The following PCDH11X variants were observed in gnomAD, a reference collection of about 807,000 sequenced individuals.
The protein encoded by PCDH11X is protocadherin 11 X-linked.
In PCDH11X, 18 loss-of-function variants were observed where a neutral mutation model predicts 53.3. The ratio of observed to expected loss-of-function variants is 0.34; its 90% confidence interval spans 0.23 to 0.50. The LOEUF (loss-of-function observed/expected upper bound fraction) is 0.50, where lower values mean the gene tolerates loss of function less well. PCDH11X is among the 20% of genes least tolerant of loss of function. The probability of loss-of-function intolerance (pLI) is 0.98; values close to 1 mark genes in which losing one functional copy is unlikely to be tolerated. For missense variants in PCDH11X, 570 were observed against 1,032.4 expected, an observed-to-expected ratio of 0.55 and a Z score of 6.14; for synonymous variants, 279 against 393.3, an observed-to-expected ratio of 0.71 and a Z score of 3.44.
intron 8 of PCDH11X, among the ~76,000 whole-genome samples, chrX:92,351,248 A>G (rs1386799467): frequency 8.9e-6 from 1 of 111,983 alleles, no homozygotes; most frequent in Non-Finnish European, 1.9e-5. Flanking sequence ...CTACTCCTAC[A>G]AAGCTCTTTT....
intron 10 of PCDH11X, among the ~76,000 whole-genome samples, chrX:92,513,424 A>G (rs1283880522): frequency 2.7e-5 from 3 of 110,875 alleles, no homozygotes; most frequent in African/African-American, 6.6e-5. Context: ...TATGGAATTG[A>G]TAAGAATAAC....
chrX:91,864,724 C>A (rs1938874544), intron 5 of PCDH11X, among the ~76,000 whole-genome samples: 1 of 106,017 alleles, frequency 9.4e-6, no homozygotes, highest in African/African-American at 3.5e-5. Context: ...CTTTTGTCTC[C>A]TCTGTGTATT....
At chrX:92,038,445 G>T (rs2063161705) in intron 6 of PCDH11X, among the ~76,000 whole-genome samples, 1 of 111,237 alleles carries the variant, frequency 9.0e-6, no homozygotes. Context: ...TCAAGCTTTG[G>T]CAGTATCCAC....
chrX:92,195,505 C>T (rs763649222), intron 6 of PCDH11X, among the ~76,000 whole-genome samples: 2 of 111,290 alleles, frequency 1.8e-5, no homozygotes, highest in South Asian at 3.8e-4. Flanking sequence ...AAGGAGGATC[C>T]TCATTACCTT....
chrX:92,209,934 C>A (rs1388976493), intron 7 of PCDH11X, among the ~76,000 whole-genome samples: 1 of 112,143 alleles, frequency 8.9e-6, no homozygotes, highest in East Asian at 2.8e-4. Flanking sequence ...GGGCTTGCAC[C>A]TGCTGAAGCA....
chrX:91,887,368 G>T (rs1201119090), intron 6 of PCDH11X, among the ~76,000 whole-genome samples: 1 of 111,065 alleles, frequency 9.0e-6, no homozygotes, highest in Non-Finnish European at 1.9e-5. Flanking sequence ...CAAAGATTCT[G>T]TGATAATACA....
chrX:92,412,162 AGG>A (rs2071690287), intron 9 of PCDH11X, among the ~76,000 whole-genome samples: 2 of 94,716 alleles, frequency 2.1e-5, no homozygotes, highest in African/African-American at 4.5e-5. Context: ...GAGGAGGAGG[AGG>A]AGGAAAAGGG....
chrX:92,046,437 A>G (rs902006349), intron 6 of PCDH11X, among the ~76,000 whole-genome samples: 4 of 111,880 alleles, frequency 3.6e-5, no homozygotes, highest in African/African-American at 1.3e-4. Context: ...TTATAGTTTG[A>G]TCCTCCAAGG....
In PCDH11X at chrX:92,542,882, T is replaced by C. The variant is rs549899693; in HGVS notation, c.3367+74560T>C. ...ATGAAGAAAATATTGTTTTAGTCTC[T>C]TGAGAGCCATCTTTCTAGATTTTTC... On this transcript the variant is annotated intron_variant, in intron 10 of 10. Coordinates refer to ENST00000682573, the MANE Select transcript of PCDH11X (RefSeq NM_032968.5). 9.8e-5 allele frequency among the ~76,000 whole-genome samples: 11 copies of C among 111,852 alleles called. No homozygotes were observed. In the South Asian group the frequency reaches 4.1e-3, roughly 41 times the overall value.
intron 10 of PCDH11X, among the ~76,000 whole-genome samples, chrX:92,605,940 G>A (rs1417865603): frequency 2.7e-5 from 3 of 110,542 alleles, no homozygotes; most frequent in African/African-American, 9.8e-5. Flanking sequence ...GAAATAAGAC[G>A]CTAATCTGGA....
intron 6 of PCDH11X, among the ~76,000 whole-genome samples, chrX:92,107,704 A>G (rs191969438): frequency 1.7e-3 from 190 of 112,274 alleles, no homozygotes; most frequent in African/African-American, 6.0e-3. Flanking sequence ...GAACCAAAAC[A>G]ATGTATTTCT....
intron 6 of PCDH11X, among the ~76,000 whole-genome samples, chrX:91,935,944 G>A (rs2061439818): frequency 9.2e-6 from 1 of 108,909 alleles, no homozygotes; most frequent in African/African-American, 3.3e-5. Context: ...GATTTCTCAT[G>A]CAAATGAAGC....
intron 7 of PCDH11X, among the ~76,000 whole-genome samples, chrX:92,254,471 G>T (rs2067523881): frequency 9.2e-6 from 1 of 108,255 alleles, no homozygotes; most frequent in Non-Finnish European, 1.9e-5. Flanking sequence ...GTGTGAATTT[G>T]ATCCTGTCAT....
chrX:92,611,055 C>T (rs60120530), intron 10 of PCDH11X, among the ~76,000 whole-genome samples: 4 of 108,687 alleles, frequency 3.7e-5, no homozygotes, highest in Non-Finnish European at 7.7e-5. Flanking sequence ...GTTCTTTTTG[C>T]TTAGGATTAT....
chrX:92,594,974 C>G (rs1925439309), intron 10 of PCDH11X, among the ~76,000 whole-genome samples: 1 of 109,589 alleles, frequency 9.1e-6, no homozygotes, highest in African/African-American at 3.3e-5. Flanking sequence ...TCCCTGATTT[C>G]TCCAGAACTT....
chrX:91,903,616 C>T (rs755866543), intron 6 of PCDH11X, among the ~76,000 whole-genome samples: 14 of 107,087 alleles, frequency 1.3e-4, no homozygotes, highest in African/African-American at 4.4e-4. Flanking sequence ...TGATTAAATT[C>T]CACAGAGTCA....
chrX:92,206,710 A>G (rs1166367552), intron 7 of PCDH11X, among the ~76,000 whole-genome samples: 2 of 110,086 alleles, frequency 1.8e-5, no homozygotes, highest in Admixed American at 2.0e-4. Context: ...TATTTATAGT[A>G]GAGACAGTGT....
intron 8 of PCDH11X, among the ~76,000 whole-genome samples, chrX:92,355,124 T>C (rs1389016679): frequency 9.3e-6 from 1 of 107,757 alleles, no homozygotes; most frequent in Non-Finnish European, 1.9e-5. Flanking sequence ...AGTTGACTAC[T>C]TCTCATTAAA....
chrX:92,613,697 A>T (rs1385476776), intron 10 of PCDH11X, among the ~76,000 whole-genome samples: 2 of 109,891 alleles, frequency 1.8e-5, no homozygotes, highest in Non-Finnish European at 1.9e-5. Context: ...TAGCAAGATC[A>T]GAGAACTTTT....
Sources: allele counts gnomAD v4.1 joint callset (sites outside exome capture counted in the v4.1 genomes callset), GRCh38; gene constraint gnomAD v4.1.1; transcripts MANE v1.5; gene names NCBI Gene and HGNC (gene_info 2026-07-23, HGNC 2026-07-21).